CDH18: variants seen among roughly 807,000 people sequenced by gnomAD.
CDH18 encodes cadherin-18.
CDH18 carries 31 observed loss-of-function variants against 67.9 expected under a neutral mutation model. The ratio of observed to expected loss-of-function variants is 0.46; its 90% confidence interval spans 0.34 to 0.62. The LOEUF is 0.62. Among genes scored for constraint, CDH18 ranks in the 20% least tolerant of loss-of-function variants. The probability of loss-of-function intolerance (pLI) is 0.01; values close to 1 mark genes in which losing one functional copy is unlikely to be tolerated. For missense variants in CDH18, 890 were observed against 975.5 expected, an observed-to-expected ratio of 0.91 and a Z score of 1.17; for synonymous variants, 362 against 347.2, an observed-to-expected ratio of 1.04 and a Z score of -0.48.
At chr5:19,981,474 T>C (rs958369286) in intron 1 of CDH18, among the ~76,000 whole-genome samples, 2 of 152,174 alleles carry the variant, frequency 1.3e-5, no homozygotes, top group Non-Finnish European at 2.9e-5. Context: ...AAGTCCAGGA[T>C]TGAGGCACTG....
intron 10 of CDH18, among the ~76,000 whole-genome samples, chr5:19,508,405 T>C (rs1052359798): frequency 2.6e-5 from 4 of 152,128 alleles, no homozygotes; most frequent in Non-Finnish European, 5.9e-5. Flanking sequence ...GCTTTAGTAA[T>C]ATAAAATCCC....
intron 1 of CDH18, among the ~76,000 whole-genome samples, chr5:20,558,718 T>C (rs1052082349): frequency 6.6e-6 from 1 of 151,998 alleles, no homozygotes; most frequent in Non-Finnish European, 1.5e-5. Flanking sequence ...TTTGTGGAAA[T>C]ATGGGAAGGA....
intron 9 of CDH18, among the ~76,000 whole-genome samples, chr5:19,532,429 A>G (rs1174044077): frequency 6.6e-6 from 1 of 152,186 alleles, no homozygotes; most frequent in Non-Finnish European, 1.5e-5. Context: ...TCCTTTACCC[A>G]GAACTAAGGT....
At chr5:19,693,897 A>G (rs1451789857) in intron 5 of CDH18, among the ~76,000 whole-genome samples, 8 of 2,370 alleles carry the variant, frequency 3.4e-3, no homozygotes, top group South Asian at 0.17. Flanking sequence ...CTCTGTCTGA[A>G]AAAAAAAAAA....
intron 1 of CDH18, among the ~76,000 whole-genome samples, chr5:20,531,528 T>C (rs1332231857): frequency 6.6e-6 from 1 of 151,968 alleles, no homozygotes; most frequent in East Asian, 1.9e-4. Flanking sequence ...GAAAACATGA[T>C]ACATATACAC....
chr5:19,962,915 A>G (rs911961642), intron 2 of CDH18, among the ~76,000 whole-genome samples: 2 of 152,272 alleles, frequency 1.3e-5, no homozygotes, highest in Non-Finnish European at 1.5e-5. Flanking sequence ...GAAAGACATT[A>G]TTGAGCTTGC....
At chr5:20,131,073 TA>T (rs2126474185) in intron 2 of CDH18, among the ~76,000 whole-genome samples, 1 of 152,246 alleles carries the variant, frequency 6.6e-6, no homozygotes, top group East Asian at 1.9e-4. Context: ...AAAAATTTTT[TA>T]CCTTATATAA....
chr5:20,246,681 A>G (rs1395354750), intron 2 of CDH18, among the ~76,000 whole-genome samples: 2 of 152,214 alleles, frequency 1.3e-5, no homozygotes, highest in Non-Finnish European at 2.9e-5. Context: ...ATAAAACTAT[A>G]TACATCCCAC....
intron 2 of CDH18, among the ~76,000 whole-genome samples, chr5:20,144,796 T>A (rs1319636545): frequency 6.6e-6 from 1 of 152,114 alleles, no homozygotes; most frequent in Non-Finnish European, 1.5e-5. Flanking sequence ...CCAGTTAAAA[T>A]GAAGTGATTA....
At chr5:20,002,986 A>T (rs1324348682) in intron 2 of CDH18, among the ~76,000 whole-genome samples, 1 of 151,874 alleles carries the variant, frequency 6.6e-6, no homozygotes, top group Non-Finnish European at 1.5e-5. Context: ...CAATTCACCT[A>T]TTGGGTGTGT....
At chr5:20,405,496 C>T (rs1171923269) in intron 1 of CDH18, among the ~76,000 whole-genome samples, 2 of 152,102 alleles carry the variant, frequency 1.3e-5, no homozygotes, top group Non-Finnish European at 1.5e-5. Context: ...AGAAGAAAAC[C>T]TAGGCAATAC....
At chr5:19,552,937 A>AAT (rs3036708) in intron 8 of CDH18, among the ~76,000 whole-genome samples, 15,253 of 152,148 alleles carry the variant, frequency 0.1, 1,073 homozygotes, top group African/African-American at 0.2. Context: ...ATCTCTAGTA[A>AAT]ATGTTTTAAA....
chr5:20,571,306 T>C (rs909395700), intron 1 of CDH18, among the ~76,000 whole-genome samples: 4 of 152,160 alleles, frequency 2.6e-5, no homozygotes, highest in Admixed American at 6.6e-5. Context: ...TTTCATTTAT[T>C]TGTCTTATTT....
chr5:20,336,683 A>ACTGCACT (rs1438999406), intron 1 of CDH18, among the ~76,000 whole-genome samples: 2 of 129,762 alleles, frequency 1.5e-5, no homozygotes, highest in Non-Finnish European at 3.1e-5. Flanking sequence ...AGATCACACC[A>ACTGCACT]CTGCACTCCA....
intron 2 of CDH18, among the ~76,000 whole-genome samples, chr5:20,183,339 T>C (rs1451484562): frequency 6.6e-6 from 1 of 152,070 alleles, no homozygotes; most frequent in Admixed American, 6.6e-5. Context: ...GTAATGTGTA[T>C]AACAGATTTA....
chr5:19,902,083 C>T (rs1409308948), intron 2 of CDH18, among the ~76,000 whole-genome samples: 1 of 152,070 alleles, frequency 6.6e-6, no homozygotes, highest in African/African-American at 2.4e-5. Context: ...AATGTGAGAG[C>T]AATACTGACG....
intron 2 of CDH18, among the ~76,000 whole-genome samples, chr5:20,046,081 A>G (rs1358185811): frequency 6.6e-6 from 1 of 152,038 alleles, no homozygotes; most frequent in Non-Finnish European, 1.5e-5. Context: ...CAGAAAATGT[A>G]GAGACTTTAG....
chr5:20,055,954 A>G (rs949457693), intron 2 of CDH18, among the ~76,000 whole-genome samples: 1 of 146,414 alleles, frequency 6.8e-6, no homozygotes, highest in Non-Finnish European at 1.5e-5. Flanking sequence ...GCTTGCATCC[A>G]CAGTTTATGT....
At chr5:19,606,332 G>GA (rs1561454274) in intron 6 of CDH18, among the ~76,000 whole-genome samples, 1 of 151,816 alleles carries the variant, frequency 6.6e-6, no homozygotes, top group African/African-American at 2.4e-5. Flanking sequence ...AACTAAGAAG[G>GA]AAAAAATGTA....
Sources: allele counts gnomAD v4.1 joint callset (sites outside exome capture counted in the v4.1 genomes callset), GRCh38; gene constraint gnomAD v4.1.1; transcripts MANE v1.5; gene names NCBI Gene and HGNC (gene_info 2026-07-23, HGNC 2026-07-21).